ACADM: variants seen among roughly 807,000 people sequenced by gnomAD.
ACADM encodes the protein acyl-CoA dehydrogenase medium chain.
ACADM carries 49 observed loss-of-function variants against 58.9 expected under a neutral mutation model. That is an observed-to-expected ratio of 0.83 (90% confidence interval 0.66 to 1.06). ACADM has a LOEUF of 1.06. ACADM is among the 50% of genes least tolerant of loss of function. The pLI is 0.00. For missense variants in ACADM, 496 were observed against 507.0 expected (o/e 0.98, Z 0.21); for synonymous variants, 160 against 157.7 (o/e 1.01, Z -0.11).
At chr1:75,741,862 AT>A (rs1196501944) in intron 7 of ACADM, among the ~76,000 whole-genome samples, 1 of 152,108 alleles carries the variant, frequency 6.6e-6, no homozygotes, top group African/African-American at 2.4e-5. Context: ...GGATATTTGC[AT>A]TTTTTTCTTA....
At chr1:75,735,230 C>T (rs1489165808) in intron 6 of ACADM, among the ~76,000 whole-genome samples, 1 of 149,918 alleles carries the variant, frequency 6.7e-6, no homozygotes, top group South Asian at 2.1e-4. Flanking sequence ...GCATAAGAAT[C>T]GCTTGAACCC....
chr1:75,762,600 C>T (rs1648912586), intron 11 of ACADM, 92 bp from the exon 12 acceptor site: 8 of 828,870 alleles, frequency 9.7e-6, no homozygotes, highest in South Asian at 8.6e-5. Flanking sequence ...TTTTATATTA[C>T]AACACAGCTT....
chr1:75,745,884 A>G lies in ACADM; in HGVS notation c.678A>G (p.Ala226=), dbSNP rs2229249. ...NKAFTGFIVE[A]DTPGIQIGRK... ...CCTTTACTGGATTCATTGTGGAAGC[A>G]GATACCCCAGGAATTCAGATTGGGA... The change falls in exon 8 of 12, where the codon GCA becomes GCG. Residue 226 remains alanine (A), a synonymous_variant. Coordinates refer to ENST00000370841, the MANE Select transcript of ACADM (RefSeq NM_000016.6). The G allele has an allele frequency of 8.9e-4, 1,433 of 1,613,438 alleles. 28 individuals carry two copies. The Admixed American group carries it at 0.023, about 26-fold the overall frequency.
Position 75,728,491 on chromosome 1 carries a change from A to G in ACADM, c.118+3A>G. 1 of 1,604,662 alleles carries G rather than the reference A, an allele frequency of 6.2e-7. No homozygotes were observed. The stretch of plus-strand genomic sequence containing the variant: ...ACCAGGATTAGGATTTAGTTTTGGT[A>G]TATGTTCGGTTCTATCTTTTGACTT... On this transcript the variant is annotated splice_donor_region_variant and intron_variant, in intron 2 of 11. Coordinates refer to ENST00000370841, the MANE Select transcript of ACADM (RefSeq NM_000016.6).
At chr1:75,732,808 A>C (rs746655981) in intron 3 of ACADM, 45 bp from the exon 4 acceptor site, 2 of 1,606,180 alleles carry the variant, frequency 1.2e-6, no homozygotes, top group Non-Finnish European at 1.7e-6. Context: ...TAATCAAACT[A>C]TCTGGATTTC....
intron 7 of ACADM, chr1:75,743,897 C>G (rs768694938): frequency 6.9e-6 from 10 of 1,448,196 alleles, no homozygotes; most frequent in Non-Finnish European, 9.7e-6. Context: ...ACAGGCTGTT[C>G]CTGCAAGGCA....
chr1:75,743,742 C>A, intron 7 of ACADM: 1 of 1,547,868 alleles, frequency 6.5e-7, no homozygotes, highest in South Asian at 1.1e-5. Flanking sequence ...CAGTGATGGT[C>A]TGTTCAATAT....
intron 10 of ACADM, among the ~76,000 whole-genome samples, chr1:75,752,917 T>C (rs566925982): frequency 6.6e-6 from 1 of 152,206 alleles, no homozygotes; most frequent in Non-Finnish European, 1.5e-5. Flanking sequence ...TTGGCACTTT[T>C]GTTAGGTACT....
rs571378685 is a variant in ACADM, at chr1:75,726,827, C to T, written c.31-1574C>T. 9.4e-5 allele frequency among the ~76,000 whole-genome samples: 10 copies of T among 106,212 alleles called. No homozygotes were observed. The East Asian group carries it at 2.5e-3, about 26-fold the overall frequency. The allele number at this position is 106,212 out of a possible 152,430, so 69.7% of individuals were successfully genotyped here. On this transcript the variant is annotated intron_variant, in intron 1 of 11. Coordinates refer to ENST00000370841, the MANE Select transcript of ACADM (RefSeq NM_000016.6). ...TTTTTTTTTTTTTTTTTTTTTGAGA[C>T]GGAGTCTTGCTCTGTCACCCAGGCT...
At chr1:75,751,129 C>T (rs1232887134) in intron 10 of ACADM, among the ~76,000 whole-genome samples, 2 of 150,494 alleles carry the variant, frequency 1.3e-5, no homozygotes, top group East Asian at 2.1e-4. Context: ...ATCATGAGGT[C>T]AGGAGATCAA....
At chr1:75,732,957 A>G (rs1004892543) in intron 4 of ACADM, 35 bp downstream of exon 4, 3 of 1,613,014 alleles carry the variant, frequency 1.9e-6, no homozygotes, top group Non-Finnish European at 1.7e-6. Flanking sequence ...ACTGGAATGC[A>G]TATGAGTAAG....
chr1:75,745,952 T>C (rs1237978572), intron 8 of ACADM, 38 bp downstream of exon 8: 2 of 1,436,562 alleles, frequency 1.4e-6, no homozygotes, highest in Admixed American at 3.4e-5. Context: ...CCAAATATTA[T>C]TTTAATTATA....
At chr1:75,739,909 T>G in intron 6 of ACADM, 71 bp from the exon 7 acceptor site, 1 of 1,120,186 alleles carries the variant, frequency 8.9e-7, no homozygotes, top group Non-Finnish European at 1.3e-6. Context: ...AATAAAACAA[T>G]CCTGTTTCCA....
chr1:75,744,819 A>G, intron 7 of ACADM: 1 of 496,522 alleles, frequency 2.0e-6, no homozygotes, highest in Non-Finnish European at 3.7e-6. Flanking sequence ...TTTCACAGGC[A>G]GCTCTATTTG....
chr1:75,749,387 A>C (rs181598253), intron 8 of ACADM, 32 bp from the exon 9 acceptor site: 106 of 1,611,144 alleles, frequency 6.6e-5, no homozygotes, highest in Non-Finnish European at 8.6e-5. Flanking sequence ...GCTCAAAAAA[A>C]ATTCCTTAAA....
intron 2 of ACADM, among the ~76,000 whole-genome samples, chr1:75,729,295 C>CTTTTTTTTTTTTTTTTTTTTTT (rs35372302): frequency 9.4e-5 from 8 of 85,308 alleles, no homozygotes; most frequent in African/African-American, 2.5e-4. Flanking sequence ...TTTCTTTTTT[C>CTTTTTTTTTTTTTTTTTTTTTT]TTTTTTTTTT....
intron 8 of ACADM, among the ~76,000 whole-genome samples, chr1:75,746,588 C>T (rs114451649): frequency 0.021 from 3,015 of 144,902 alleles, 120 homozygotes; most frequent in African/African-American, 0.071. Context: ...GAAATGAAGT[C>T]AATAAAGTAA....
chr1:75,741,135 G>C (rs1157893031), intron 7 of ACADM, among the ~76,000 whole-genome samples: 1 of 152,102 alleles, frequency 6.6e-6, no homozygotes, highest in Non-Finnish European at 1.5e-5. Flanking sequence ...AGAGTTTCTA[G>C]AATAACTTTT....
chr1:75,726,187 C>T (rs1003865574), intron 1 of ACADM, among the ~76,000 whole-genome samples: 1 of 152,060 alleles, frequency 6.6e-6, no homozygotes, highest in Non-Finnish European at 1.5e-5. Flanking sequence ...GCGGGTTGAT[C>T]ACTTAAGGCC....
Sources: allele counts gnomAD v4.1 joint callset (sites outside exome capture counted in the v4.1 genomes callset), GRCh38; gene constraint gnomAD v4.1.1; transcripts MANE v1.5; gene names NCBI Gene and HGNC (gene_info 2026-07-23, HGNC 2026-07-21).